ACOXL: variants seen among roughly 807,000 people sequenced by gnomAD.
ACOXL encodes acyl-coenzyme A oxidase-like protein.
ACOXL carries 70 observed loss-of-function variants against 71.9 expected under a neutral mutation model. That is an observed-to-expected ratio of 0.97 (90% CI 0.80 to 1.19). The LOEUF (loss-of-function observed/expected upper bound fraction) is 1.19. Ranked by LOEUF, ACOXL falls within the 50% of genes most tolerant of loss-of-function variation. The pLI is 0.00. For missense variants in ACOXL, 703 were observed against 736.3 expected, an observed-to-expected ratio of 0.95 and a Z score of 0.52; for synonymous variants, 253 against 281.6, an observed-to-expected ratio of 0.90 and a Z score of 1.02.
chr2:110,970,143 A>G (rs1033286136), intron 12 of ACOXL, among the ~76,000 whole-genome samples: 5 of 152,286 alleles, frequency 3.3e-5, no homozygotes, highest in East Asian at 1.9e-4. Context: ...TTAGAAGGCT[A>G]GTATTACTCT....
At chr2:110,922,222 G>A (rs1051026799) in intron 11 of ACOXL, among the ~76,000 whole-genome samples, 1 of 151,934 alleles carries the variant, frequency 6.6e-6, no homozygotes, top group Admixed American at 6.6e-5. Flanking sequence ...TTTTTTGGTT[G>A]TTGTTTTGGT....
chr2:110,767,003 G>T (rs557947782), intron 1 of ACOXL, among the ~76,000 whole-genome samples: 13 of 152,232 alleles, frequency 8.5e-5, no homozygotes, highest in Non-Finnish European at 1.6e-4. Context: ...CTTTTGCAGG[G>T]TTATGGGGTA....
chr2:110,786,543 T>A (rs1419800537), intron 3 of ACOXL, among the ~76,000 whole-genome samples: 1 of 152,206 alleles, frequency 6.6e-6, no homozygotes, highest in Non-Finnish European at 1.5e-5. Flanking sequence ...ACTCTCATGA[T>A]CCCCAGTTTG....
intron 12 of ACOXL, chr2:110,967,752 G>C: frequency 1.8e-6 from 1 of 566,718 alleles, no homozygotes; most frequent in East Asian, 2.9e-5. Flanking sequence ...AAATCAGAAA[G>C]GATATGAAAG....
chr2:111,077,893 T>G (rs1411335365), intron 16 of ACOXL, among the ~76,000 whole-genome samples: 3 of 152,228 alleles, frequency 2.0e-5, no homozygotes, highest in African/African-American at 4.8e-5. Flanking sequence ...AGGCATAAAT[T>G]TCTTTGTGTT....
intron 16 of ACOXL, among the ~76,000 whole-genome samples, chr2:111,059,362 G>A (rs1443699181): frequency 6.6e-6 from 1 of 152,210 alleles, no homozygotes; most frequent in Non-Finnish European, 1.5e-5. Context: ...TGATTAATGT[G>A]TTACATTTTG....
intron 11 of ACOXL, among the ~76,000 whole-genome samples, chr2:110,912,317 T>C (rs942865478): frequency 1.3e-4 from 20 of 152,082 alleles, no homozygotes; most frequent in Non-Finnish European, 2.9e-4. Context: ...CACAACAATC[T>C]TGAGAAAGAG....
At chr2:111,111,822 G>A (rs1166272319) in intron 17 of ACOXL, among the ~76,000 whole-genome samples, 16 of 152,262 alleles carry the variant, frequency 1.1e-4, no homozygotes, top group South Asian at 6.2e-4. Flanking sequence ...ATCAACCTGC[G>A]CCAAGTTTAC....
chr2:110,922,856 G>A (rs140328400), intron 11 of ACOXL, among the ~76,000 whole-genome samples: 85 of 152,234 alleles, frequency 5.6e-4, no homozygotes, highest in Non-Finnish European at 7.8e-4. Flanking sequence ...CATGAATGCC[G>A]CATTGAACAG....
chr2:110,952,351 C>T (rs1197059714), intron 12 of ACOXL, among the ~76,000 whole-genome samples: 1 of 152,194 alleles, frequency 6.6e-6, no homozygotes, highest in East Asian at 1.9e-4. Flanking sequence ...TTGTTTTCCA[C>T]AGCCGCCTTG....
intron 14 of ACOXL, among the ~76,000 whole-genome samples, chr2:111,031,401 G>A (rs190431242): frequency 7.9e-5 from 12 of 152,226 alleles, no homozygotes; most frequent in African/African-American, 2.6e-4. Context: ...ACCTCCATTA[G>A]TATAAATTAA....
intron 10 of ACOXL, among the ~76,000 whole-genome samples, chr2:110,882,842 G>A (rs1478574761): frequency 1.3e-5 from 2 of 152,090 alleles, no homozygotes; most frequent in African/African-American, 4.8e-5. Context: ...TTTTGATAGT[G>A]CATATTTCTC....
intron 10 of ACOXL, among the ~76,000 whole-genome samples, chr2:110,866,157 A>G (rs1213250702): frequency 6.6e-6 from 1 of 152,134 alleles, no homozygotes; most frequent in Admixed American, 6.5e-5. Context: ...GGCCAGCAGG[A>G]TGTGGGGGCC....
At chr2:110,750,318 A>T (rs1245086894) in intron 1 of ACOXL, among the ~76,000 whole-genome samples, 1 of 152,082 alleles carries the variant, frequency 6.6e-6, no homozygotes, top group South Asian at 2.1e-4. Flanking sequence ...TGTTTATTTT[A>T]TATTTTGGGT....
At chr2:110,853,092 G>C (rs990423274) in intron 10 of ACOXL, among the ~76,000 whole-genome samples, 4 of 152,054 alleles carry the variant, frequency 2.6e-5, no homozygotes, top group Non-Finnish European at 4.4e-5. Context: ...CCAGAGTGCC[G>C]GGCCTCGGGC....
At chr2:111,056,065 GTT>G (rs2066520284) in intron 16 of ACOXL, among the ~76,000 whole-genome samples, 1 of 152,088 alleles carries the variant, frequency 6.6e-6, no homozygotes, top group African/African-American at 2.4e-5. Flanking sequence ...ATATTCTAAT[GTT>G]TTTATATTTA....
intron 9 of ACOXL, among the ~76,000 whole-genome samples, chr2:110,834,352 G>A (rs555288996): frequency 6.6e-6 from 1 of 152,292 alleles, no homozygotes; most frequent in South Asian, 2.1e-4. Context: ...CACCGTGTGT[G>A]GTTTATTCAT....
chr2:111,069,295 G>GTA (rs1207389842), intron 16 of ACOXL, among the ~76,000 whole-genome samples: 5 of 151,886 alleles, frequency 3.3e-5, no homozygotes, highest in African/African-American at 1.2e-4. Context: ...GGGATTACAG[G>GTA]TATGCGCCAT....
chr2:110,761,845 C>T (rs377146886), intron 1 of ACOXL, among the ~76,000 whole-genome samples: 85 of 152,328 alleles, frequency 5.6e-4, no homozygotes, highest in African/African-American at 2.0e-3. Flanking sequence ...TGTTCTCTCT[C>T]AGCCTGAGGA....
Sources: gnomAD v4.1 joint callset for allele counts (sites outside exome capture counted in the v4.1 genomes callset) on GRCh38, gnomAD v4.1.1 for gene constraint, MANE v1.5 for transcripts, NCBI Gene and HGNC (gene_info 2026-07-23, HGNC 2026-07-21) for gene names.